The following PWWP3B variants were observed in gnomAD, a reference collection of about 807,000 sequenced individuals.
The protein encoded by PWWP3B is PWWP domain containing 3B.
Under a neutral mutation model 15.7 loss-of-function variants are expected in PWWP3B, and 5 were observed. That is an observed-to-expected ratio of 0.32 (90% CI 0.17 to 0.67). The LOEUF (loss-of-function observed/expected upper bound fraction) is 0.67. PWWP3B is among the 30% of genes least tolerant of loss of function. The pLI, the probability that PWWP3B is intolerant of heterozygous loss-of-function variation, is 0.74. For missense variants in PWWP3B, 519 were observed against 493.1 expected (o/e 1.05, Z -0.50); for synonymous variants, 203 against 179.8 (o/e 1.13, Z -1.03).
At chrX:106,192,645 T>C (rs1460631760) in intron 2 of PWWP3B, among the ~76,000 whole-genome samples, 14 of 111,787 alleles carry the variant, frequency 1.3e-4, no homozygotes, top group Non-Finnish European at 2.6e-4. Context: ...GGTTGTCAAT[T>C]TTAGATCTTT....
intron 2 of PWWP3B, among the ~76,000 whole-genome samples, chrX:106,176,898 A>G (rs182049448): frequency 9.8e-4 from 110 of 112,580 alleles, no homozygotes; most frequent in Non-Finnish European, 2.1e-4. Context: ...CTTATCCACA[A>G]AATAATGTAT....
At chrX:106,188,588 G>A (rs893756309) in intron 2 of PWWP3B, among the ~76,000 whole-genome samples, 2 of 111,968 alleles carry the variant, frequency 1.8e-5, no homozygotes, top group African/African-American at 6.5e-5. Context: ...TGAGAAAAAT[G>A]TACCATCATG....
At chrX:106,184,204 A>G (rs1382652057) in intron 2 of PWWP3B, among the ~76,000 whole-genome samples, 3 of 111,194 alleles carry the variant, frequency 2.7e-5, no homozygotes, top group Admixed American at 9.6e-5. Flanking sequence ...TCCAGATTTT[A>G]TTCAGGGTCC....
In PWWP3B at chrX:106,183,813, G is replaced by A. The variant is rs761998038; in HGVS notation, c.-401+12674G>A. 7.8e-4 allele frequency among the ~76,000 whole-genome samples: 88 copies of A among 112,294 alleles called. 1 individual carries two copies. Among genetic ancestry groups the A allele is most frequent in the Non-Finnish European group, 6.6e-4 (35 of 53,216 alleles). Reference sequence around the variant, plus strand: ...AACATATCCGGGGCTCAGTGAGGGTGATGACATGAGCTGGCGCTTGTCCTG... The same window carrying A: ...AACATATCCGGGGCTCAGTGAGGGTAATGACATGAGCTGGCGCTTGTCCTG... On this transcript the variant is annotated intron_variant, in intron 2 of 3. Transcript: ENST00000357175.
intron 2 of PWWP3B, among the ~76,000 whole-genome samples, chrX:106,183,031 G>T (rs186621362): frequency 2.7e-5 from 3 of 110,775 alleles, no homozygotes; most frequent in Non-Finnish European, 1.9e-5. Context: ...CGGTCCTGCA[G>T]GTTCCTCAGG....
chrX:106,182,051 C>A (rs919164417), intron 2 of PWWP3B, among the ~76,000 whole-genome samples: 2 of 111,567 alleles, frequency 1.8e-5, no homozygotes, highest in Non-Finnish European at 3.8e-5. Context: ...CTATCCCTGA[C>A]TGGTCAGTGT....
intron 2 of PWWP3B, among the ~76,000 whole-genome samples, chrX:106,187,455 G>T (rs1922587122): frequency 8.9e-6 from 1 of 111,931 alleles, no homozygotes; most frequent in South Asian, 3.7e-4. Flanking sequence ...AATGTGGCAG[G>T]TTTATCCCTT....
intron 1 of PWWP3B, among the ~76,000 whole-genome samples, chrX:106,168,954 TTGTC>T (rs1319702058): frequency 6.3e-4 from 71 of 112,105 alleles, no homozygotes; most frequent in African/African-American, 1.5e-3. Flanking sequence ...AATATGATCT[TTGTC>T]TGTACTTCTA....
chrX:106,191,600 G>A (rs1400372119), intron 2 of PWWP3B, among the ~76,000 whole-genome samples: 1 of 111,259 alleles, frequency 9.0e-6, no homozygotes, highest in East Asian at 2.8e-4. Flanking sequence ...GGTGAGAGAG[G>A]GCATCCCTGT....
In PWWP3B at chrX:106,195,926, A is replaced by C. The variant is rs752474162; in HGVS notation, c.-400-8059A>C. ...AGTATTTCAGTTATTCAGTCAAAGA[A>C]CATGGTATATTTCTCTATTTATTTA... On this transcript the variant is annotated intron_variant, in intron 2 of 3. Transcript: ENST00000357175. Among the ~76,000 whole-genome samples, 3 of 111,636 alleles carry C rather than the reference A, an allele frequency of 2.7e-5. No homozygotes were observed. In the South Asian group the frequency reaches 1.1e-3, roughly 42 times the overall value.
chrX:106,205,865 C>G lies in PWWP3B; in HGVS notation c.433C>G (p.Leu145Val). Residue 145 changes from leucine (L) to valine (V), a missense_variant, in exon 4 of 4, where the codon CTT becomes GTT. Leu to Val is a conservative substitution (Grantham distance 32). Transcript: ENST00000357175. ...GGATGAAGGTGACTTACCAGGGTGT[C>G]TTGAGGAAAGGGAAAACTCAGCATG... ...RKDEGDLPGCLEERENSACLL... is the reference protein window; with the variant it reads ...RKDEGDLPGCVEERENSACLL... 8.3e-7 allele frequency: 1 copy of G among 1,211,368 alleles called. No homozygotes were observed. Among genetic ancestry groups the G allele is most frequent in the Non-Finnish European group, 1.1e-6 (1 of 895,335 alleles).
In PWWP3B at chrX:106,208,716, T is replaced by C. The variant is rs1007575583; in HGVS notation, c.*1193T>C. 2 of 123,619 alleles carry C rather than the reference T, an allele frequency of 1.6e-5. No individual in the cohort carries two copies. Among genetic ancestry groups the C allele is most frequent in the African/African-American group, 6.5e-5 (2 of 30,926 alleles). 10.2% of individuals were successfully genotyped at this position (123,619 alleles called of 1,213,427 possible). On this transcript the variant is annotated 3_prime_UTR_variant, in exon 4 of 4. Transcript: ENST00000357175. ...CATACAATTAAATGTCTGAAGCCAATGAGTTGTTTATTCTAACTTGAAATA... is the reference window on the plus strand; with the variant it reads ...CATACAATTAAATGTCTGAAGCCAACGAGTTGTTTATTCTAACTTGAAATA...
chrX:106,184,101 G>A (rs1922368189), intron 2 of PWWP3B, among the ~76,000 whole-genome samples: 1 of 111,645 alleles, frequency 9.0e-6, no homozygotes, highest in African/African-American at 3.3e-5. Context: ...CATGACTAAG[G>A]CTGCAGCCTT....
intron 2 of PWWP3B, among the ~76,000 whole-genome samples, chrX:106,175,655 A>T (rs943950105): frequency 4.5e-5 from 5 of 111,305 alleles, no homozygotes; most frequent in Admixed American, 9.5e-5. Flanking sequence ...TGGTGGAAAG[A>T]GGGCATACCT....
At chrX:106,180,781 C>G (rs917481805) in intron 2 of PWWP3B, among the ~76,000 whole-genome samples, 1 of 112,071 alleles carries the variant, frequency 8.9e-6, no homozygotes, top group Non-Finnish European at 1.9e-5. Context: ...AAACCTTTTT[C>G]CTGTCCCCTT....
intron 2 of PWWP3B, among the ~76,000 whole-genome samples, chrX:106,181,973 A>G (rs1483183179): frequency 2.7e-5 from 3 of 112,288 alleles, no homozygotes; most frequent in African/African-American, 9.7e-5. Context: ...AGAGGTTGGT[A>G]TAAGAGTTTG....
At chrX:106,202,251 T>C (rs938519104) in intron 2 of PWWP3B, among the ~76,000 whole-genome samples, 14 of 111,870 alleles carry the variant, frequency 1.3e-4, no homozygotes, top group African/African-American at 4.5e-4. Flanking sequence ...GCACATAATA[T>C]ATGCATGTAT....
Position 106,207,197 on chromosome X carries a change from G to A in PWWP3B, c.1765G>A (p.Ala589Thr), listed in dbSNP as rs1402564660. ...CAGATGGCTGAAATCATTTTTGAAT[G>A]CAAATAGGTTCACACCCTGTATTGA... ...GSRWLKSFLNANRFTPCIETY... is the reference protein window; with the variant it reads ...GSRWLKSFLNTNRFTPCIETY... The change falls in exon 4 of 4, where the codon GCA (alanine) becomes ACA (threonine). Residue 589 changes from alanine (A) to threonine (T), a missense_variant. Coordinates refer to ENST00000357175, the MANE Select transcript of PWWP3B (RefSeq NM_001171020.2). 2 of 1,208,053 alleles carry A rather than the reference G, an allele frequency of 1.7e-6. No individual in the cohort carries two copies. The highest frequency in any genetic ancestry group is 2.2e-6 in the Non-Finnish European group (2 of 893,379).
chrX:106,188,551 CTT>C (rs924957368), intron 2 of PWWP3B, among the ~76,000 whole-genome samples: 2 of 111,959 alleles, frequency 1.8e-5, no homozygotes, highest in African/African-American at 6.5e-5. Flanking sequence ...TAAATTCACT[CTT>C]TTAGATGTAC....
Sources: allele counts gnomAD v4.1 joint callset (sites outside exome capture counted in the v4.1 genomes callset), GRCh38; gene constraint gnomAD v4.1.1; transcripts MANE v1.5; gene names NCBI Gene and HGNC (gene_info 2026-07-23, HGNC 2026-07-21).